VOPP1: variants seen among roughly 807,000 people sequenced by gnomAD.
VOPP1 encodes WW domain binding protein VOPP1.
VOPP1 carries 8 observed loss-of-function variants against 23.5 expected under a neutral mutation model. The observed-to-expected ratio is 0.34, with a 90% CI of 0.20 to 0.61. VOPP1 has a LOEUF of 0.61. Ranked by LOEUF, VOPP1 falls within the 20% of genes least tolerant of loss-of-function variation. VOPP1 has a pLI of 0.78. For synonymous variants in VOPP1, 83 were observed against 97.3 expected, an observed-to-expected ratio of 0.85 and a Z score of 0.86; for missense variants, 174 against 238.1, an observed-to-expected ratio of 0.73 and a Z score of 1.77.
At chr7:55,535,894 G>A (rs1447481786) in intron 1 of VOPP1, among the ~76,000 whole-genome samples, 3 of 152,258 alleles carry the variant, frequency 2.0e-5, no homozygotes, top group African/African-American at 7.2e-5. Flanking sequence ...TCAACTTACC[G>A]CAGGTCTGAG....
chr7:55,564,624 A>G lies in VOPP1; in HGVS notation c.54+7647T>C, dbSNP rs148790439. On this transcript the variant is annotated intron_variant, in intron 1 of 4. Coordinates refer to ENST00000285279, the MANE Select transcript of VOPP1 (RefSeq NM_030796.5). ...AAGTTTCTTCTTAATCTAGTCACAG[A>G]TAATAACAAGCAAGCCCACTTTTTA... Among the ~76,000 whole-genome samples, 826 of 152,266 alleles carry G rather than the reference A, an allele frequency of 5.4e-3. 11 individuals are homozygous for G. Among genetic ancestry groups the G allele is most frequent in the African/African-American group, 0.019 (792 of 41,534 alleles).
At chr7:55,532,928 GA>G (rs1267245512) in intron 1 of VOPP1, among the ~76,000 whole-genome samples, 1 of 152,306 alleles carries the variant, frequency 6.6e-6, no homozygotes, top group African/African-American at 2.4e-5. Flanking sequence ...TTCTTGTCAT[GA>G]ATTGATTGGT....
intron 4 of VOPP1, among the ~76,000 whole-genome samples, chr7:55,444,728 T>TC (rs397761442): frequency 6.6e-6 from 1 of 151,804 alleles, no homozygotes; most frequent in Non-Finnish European, 1.5e-5. Flanking sequence ...TTTTTTTTTT[T>TC]AAATCTAAAC....
intron 2 of VOPP1, among the ~76,000 whole-genome samples, chr7:55,508,220 G>C (rs1794855203): frequency 6.6e-6 from 1 of 152,164 alleles, no homozygotes; most frequent in South Asian, 2.1e-4. Context: ...AGGTAAGATG[G>C]ACCAAGAAGC....
intron 1 of VOPP1, among the ~76,000 whole-genome samples, chr7:55,546,915 A>T (rs976596332): frequency 6.6e-6 from 1 of 152,240 alleles, no homozygotes; most frequent in African/African-American, 2.4e-5. Flanking sequence ...TGGGAGCTAC[A>T]GGCCTTGTCC....
chr7:55,483,793 G>A (rs897098431), intron 4 of VOPP1, among the ~76,000 whole-genome samples: 10 of 151,868 alleles, frequency 6.6e-5, no homozygotes, highest in Admixed American at 1.3e-4. Flanking sequence ...ATGGAATTTC[G>A]CTCTTGTTGC....
intron 4 of VOPP1, among the ~76,000 whole-genome samples, chr7:55,452,527 G>A (rs932322156): frequency 3.3e-5 from 5 of 152,162 alleles, no homozygotes; most frequent in African/African-American, 1.2e-4. Context: ...AGATCCATGA[G>A]AGGAATCACT....
chr7:55,492,234 A>T, intron 4 of VOPP1, 48 bp downstream of exon 4: 1 of 1,564,178 alleles, frequency 6.4e-7, no homozygotes. Context: ...AAATGTTGGC[A>T]GACGACACAC....
At position 55,572,253 on chromosome 7, in the gene VOPP1, C is replaced by G; in HGVS notation, c.54+18G>C. ...GTGGGCGCCGCGCCTCCGGCAGCAC[C>G]CGGTCCCCGGCCCCTACCTCCAAGA... On this transcript the variant is annotated intron_variant, in intron 1 of 4. Coordinates refer to ENST00000285279, the MANE Select transcript of VOPP1 (RefSeq NM_030796.5). 2.0e-6 allele frequency: 3 copies of G among 1,518,148 alleles called. No individual in the cohort carries two copies. Among genetic ancestry groups the G allele is most frequent in the Non-Finnish European group, 1.8e-6 (2 of 1,142,348 alleles). 94.0% of individuals were successfully genotyped at this position (1,518,148 alleles called of 1,614,324 possible).
chr7:55,492,156 T>C (rs1793616256), intron 4 of VOPP1, 126 bp downstream of exon 4: 2 of 1,347,324 alleles, frequency 1.5e-6, no homozygotes, highest in South Asian at 3.5e-5. Flanking sequence ...TCATCAGAAC[T>C]AAAAAAATGA....
At chr7:55,534,931 C>T (rs1290020808) in intron 1 of VOPP1, among the ~76,000 whole-genome samples, 1 of 152,242 alleles carries the variant, frequency 6.6e-6, no homozygotes, top group Non-Finnish European at 1.5e-5. Context: ...TCCTGCCACA[C>T]CACAAAGGAG....
intron 4 of VOPP1, among the ~76,000 whole-genome samples, chr7:55,460,375 A>G (rs920867328): frequency 2.6e-5 from 4 of 152,218 alleles, no homozygotes; most frequent in Non-Finnish European, 4.4e-5. Context: ...GTAAATGTTA[A>G]GTCAAATTTG....
intron 4 of VOPP1, among the ~76,000 whole-genome samples, chr7:55,490,425 G>C (rs1214543115): frequency 1.3e-5 from 2 of 152,090 alleles, no homozygotes; most frequent in African/African-American, 4.8e-5. Flanking sequence ...CAAAACCCTG[G>C]CATGCCAGGG....
chr7:55,537,768 C>T, intron 1 of VOPP1: 1 of 1,338,054 alleles, frequency 7.5e-7, no homozygotes, highest in East Asian at 2.7e-5. Context: ...GGCCCCCAGG[C>T]CCAGGCCACC....
rs1390035312 is a variant in VOPP1 at position 55,471,814 on chromosome 7, C to T, written c.*1041G>A. ...TCCTCCTTGGAGCCCAGCACACACC[C>T]GCTTAGACCCAACACAACCTCAGAG... On this transcript the variant is annotated 3_prime_UTR_variant, in exon 5 of 5. Transcript: ENST00000285279. 1.3e-5 allele frequency: 2 copies of T among 151,570 alleles called. No homozygotes were observed. Among genetic ancestry groups the T allele is most frequent in the Non-Finnish European group, 2.9e-5 (2 of 67,998 alleles). The allele number at this position is 151,570 out of a possible 1,614,324, so 9.4% of individuals were successfully genotyped here. A position where few individuals can be genotyped will look rare whatever the true frequency, so the allele number is the denominator to read the frequency against.
At chr7:55,524,063 A>C (rs545863364) in intron 1 of VOPP1, among the ~76,000 whole-genome samples, 98 of 152,330 alleles carry the variant, frequency 6.4e-4, no homozygotes, top group African/African-American at 2.2e-3. Context: ...GTCAGTGCTC[A>C]CAGGAGACTC....
At chr7:55,498,644 C>T (rs941832251) in intron 2 of VOPP1, among the ~76,000 whole-genome samples, 1 of 152,132 alleles carries the variant, frequency 6.6e-6, no homozygotes, top group Non-Finnish European at 1.5e-5. Context: ...TAAACCATTA[C>T]CTAATTGTGA....
chr7:55,540,113 C>A (rs982731575), intron 1 of VOPP1, among the ~76,000 whole-genome samples: 7 of 152,032 alleles, frequency 4.6e-5, no homozygotes, highest in Non-Finnish European at 1.0e-4. Context: ...AATAAATGAA[C>A]TCCCAGCCAG....
intron 2 of VOPP1, among the ~76,000 whole-genome samples, chr7:55,511,011 T>C (rs992835585): frequency 2.0e-5 from 3 of 152,196 alleles, no homozygotes; most frequent in African/African-American, 7.2e-5. Context: ...GAGGCCTCTG[T>C]CTTCTACACC....
Sources: gnomAD v4.1 joint callset for allele counts (sites outside exome capture counted in the v4.1 genomes callset) on GRCh38, gnomAD v4.1.1 for gene constraint, MANE v1.5 for transcripts, NCBI Gene and HGNC (gene_info 2026-07-23, HGNC 2026-07-21) for gene names.